The following WDFY3 variants were observed in gnomAD, a reference collection of about 807,000 sequenced individuals.
The protein encoded by WDFY3 is WD repeat and FYVE domain-containing protein 3.
Under a neutral mutation model 409.6 loss-of-function variants are expected in WDFY3, and 66 were observed. That is an observed-to-expected ratio of 0.16 (90% CI 0.13 to 0.20). WDFY3 has a LOEUF of 0.20. Among genes scored for constraint, WDFY3 ranks in the 10% least tolerant of loss-of-function variants. WDFY3 has a pLI of 1.00. For synonymous variants in WDFY3, 1,521 were observed against 1,537.1 expected (o/e 0.99, Z 0.25); for missense variants, 3,031 against 4,298.1 (o/e 0.71, Z 8.24).
At chr4:84,814,354 A>AATTT (rs1752961440) in intron 13 of WDFY3, among the ~76,000 whole-genome samples, 1 of 152,150 alleles carries the variant, frequency 6.6e-6, no homozygotes, top group South Asian at 2.1e-4. Context: ...ATTTCTCTAA[A>AATTT]AATGTACTGT....
intron 59 of WDFY3, among the ~76,000 whole-genome samples, chr4:84,692,330 C>A (rs971279494): frequency 6.6e-6 from 1 of 151,982 alleles, no homozygotes; most frequent in Non-Finnish European, 1.5e-5. Flanking sequence ...GAATGGCACA[C>A]AAGTTAACCA....
chr4:84,789,125 A>G (rs1326260454), intron 22 of WDFY3, among the ~76,000 whole-genome samples: 1 of 152,236 alleles, frequency 6.6e-6, no homozygotes, highest in East Asian at 1.9e-4. Flanking sequence ...TGTACAAAGT[A>G]ACAAGCAGGA....
At chr4:84,934,264 G>C (rs557647880) in intron 1 of WDFY3, among the ~76,000 whole-genome samples, 1 of 152,198 alleles carries the variant, frequency 6.6e-6, no homozygotes, top group East Asian at 1.9e-4. Flanking sequence ...GAATTTCTTT[G>C]ATGATCAATG....
chr4:84,684,425 A>G (rs1727957061), intron 62 of WDFY3, among the ~76,000 whole-genome samples: 1 of 152,156 alleles, frequency 6.6e-6, no homozygotes, highest in Non-Finnish European at 1.5e-5. Flanking sequence ...GACACAAGAA[A>G]GCTCCCTGTC....
intron 1 of WDFY3, among the ~76,000 whole-genome samples, chr4:84,954,668 ATT>A (rs1774022397): frequency 6.6e-6 from 1 of 152,224 alleles, no homozygotes; most frequent in African/African-American, 2.4e-5. Context: ...GTCTATTTAC[ATT>A]TATTCACTCA....
intron 10 of WDFY3, among the ~76,000 whole-genome samples, chr4:84,822,927 TA>T (rs1474776869): frequency 6.6e-6 from 1 of 152,058 alleles, no homozygotes; most frequent in Non-Finnish European, 1.5e-5. Flanking sequence ...CTACATAATA[TA>T]AAAAGTAAAG....
chr4:84,795,388 C>G (rs1299976252), intron 19 of WDFY3, among the ~76,000 whole-genome samples: 1 of 152,146 alleles, frequency 6.6e-6, no homozygotes, highest in Non-Finnish European at 1.5e-5. Flanking sequence ...GATAATGACC[C>G]ATGATAATAT....
At chr4:84,808,287 A>G in intron 15 of WDFY3, 47 bp downstream of exon 15, 2 of 1,455,576 alleles carry the variant, frequency 1.4e-6, no homozygotes, top group Non-Finnish European at 9.5e-7. Flanking sequence ...ACAGAAAAAA[A>G]GGAACCCCAC....
chr4:84,823,656 C>A (rs893669538), intron 10 of WDFY3, among the ~76,000 whole-genome samples: 16 of 151,914 alleles, frequency 1.1e-4, no homozygotes, highest in African/African-American at 3.6e-4. Context: ...CAGATGGTGA[C>A]AAAGCACATA....
Position 84,790,232 on chromosome 4 carries a change from T to C in WDFY3, c.3488-325A>G, listed in dbSNP as rs150577955. On this transcript the variant is annotated intron_variant, in intron 21 of 67. Transcript: ENST00000295888. ...AGGTATGGTGGCGCGCGTCTGTAGTTCCAGCTACTCGGGAGGCTGAGCCAG... is the reference window on the plus strand; with the variant it reads ...AGGTATGGTGGCGCGCGTCTGTAGTCCCAGCTACTCGGGAGGCTGAGCCAG... Among the ~76,000 whole-genome samples the C allele has an allele frequency of 6.9e-3, 1,052 of 151,828 alleles. 10 individuals carry two copies. The highest frequency in any genetic ancestry group is 0.024 in the African/African-American group (992 of 41,426).
At chr4:84,850,209 TTTTACA>T (rs1409030161) in intron 4 of WDFY3, among the ~76,000 whole-genome samples, 184 bp from the exon 5 acceptor site, 2 of 152,224 alleles carry the variant, frequency 1.3e-5, no homozygotes, top group African/African-American at 2.4e-5. Flanking sequence ...CCACATTTCC[TTTTACA>T]TATAAATTTG....
intron 2 of WDFY3, among the ~76,000 whole-genome samples, chr4:84,920,634 GAACT>G (rs1291628630): frequency 4.6e-5 from 7 of 151,992 alleles, no homozygotes; most frequent in South Asian, 2.1e-4. Context: ...TTATATTCAG[GAACT>G]AACACATTAT....
chr4:84,858,219 C>G (rs552731415), intron 4 of WDFY3, among the ~76,000 whole-genome samples: 1 of 152,136 alleles, frequency 6.6e-6, no homozygotes, highest in Non-Finnish European at 1.5e-5. Context: ...TTAACCCTCA[C>G]GACAACCCAA....
chr4:84,765,339 A>T (rs1186821930), intron 32 of WDFY3, among the ~76,000 whole-genome samples: 1 of 152,240 alleles, frequency 6.6e-6, no homozygotes, highest in East Asian at 1.9e-4. Context: ...AAATGTTAAA[A>T]GCATAGGCTT....
chr4:84,720,604 C>T (rs913281393), intron 47 of WDFY3, among the ~76,000 whole-genome samples: 1 of 152,120 alleles, frequency 6.6e-6, no homozygotes, highest in African/African-American at 2.4e-5. Flanking sequence ...CACACAAGAG[C>T]TCCTTTTCTC....
chr4:84,783,626 AC>A (rs1746957008), intron 24 of WDFY3, among the ~76,000 whole-genome samples: 1 of 152,164 alleles, frequency 6.6e-6, no homozygotes, highest in Non-Finnish European at 1.5e-5. Flanking sequence ...GGTTGTTATC[AC>A]TAACTGCCTC....
chr4:84,695,448 C>CGTGTGTGTGT (rs150816589), intron 58 of WDFY3, among the ~76,000 whole-genome samples: 37 of 136,108 alleles, frequency 2.7e-4, no homozygotes, highest in East Asian at 1.6e-3. Context: ...ATTTGGGTCC[C>CGTGTGTGTGT]GTGTGTGTGT....
chr4:84,816,460 G>C (rs1753315284), intron 13 of WDFY3, among the ~76,000 whole-genome samples: 2 of 152,160 alleles, frequency 1.3e-5, no homozygotes, highest in South Asian at 4.2e-4. Flanking sequence ...ATGTAAAGCA[G>C]GGACACTAAT....
chr4:84,763,071 G>GA (rs1742979552), intron 32 of WDFY3, among the ~76,000 whole-genome samples: 1 of 151,890 alleles, frequency 6.6e-6, no homozygotes, highest in Non-Finnish European at 1.5e-5. Context: ...CAAAAAACTG[G>GA]CATTCTCATT....
Sources: allele counts gnomAD v4.1 joint callset (sites outside exome capture counted in the v4.1 genomes callset), GRCh38; gene constraint gnomAD v4.1.1; transcripts MANE v1.5; gene names NCBI Gene and HGNC (gene_info 2026-07-23, HGNC 2026-07-21).